Variants in PCNT observed in about 807,000 individuals in gnomAD.
PCNT encodes the protein kendrin.
PCNT carries 319 observed loss-of-function variants against 380.4 expected under a neutral mutation model. The observed-to-expected ratio is 0.84, with a 90% CI of 0.77 to 0.92. The LOEUF is 0.92. PCNT is among the 40% of genes least tolerant of loss of function. The pLI is 0.00. For synonymous variants in PCNT, 1,845 were observed against 1,735.2 expected (o/e 1.06, Z -1.57); for missense variants, 4,400 against 4,255.3 (o/e 1.03, Z -0.95).
At chr21:46,444,920 C>A in intron 46 of PCNT, 99 bp downstream of exon 46, 1 of 1,134,830 alleles carries the variant, frequency 8.8e-7, no homozygotes, top group Non-Finnish European at 1.3e-6. Flanking sequence ...GCTTAGTAAC[C>A]AAAGTTTCAG....
At chr21:46,333,598 C>CA (rs1265854909) in intron 2 of PCNT, among the ~76,000 whole-genome samples, 5,081 of 132,208 alleles carry the variant, frequency 0.038, 132 homozygotes, top group Middle Eastern at 0.096. Flanking sequence ...AACTTTGTCT[C>CA]AAAAAAAAAA....
intron 41 of PCNT, 144 bp from the exon 42 acceptor site, chr21:46,439,939 G>A: frequency 1.1e-6 from 1 of 918,036 alleles, no homozygotes; most frequent in Non-Finnish European, 1.8e-6. Flanking sequence ...AGGGGGTGCT[G>A]AAGTTGAGGA....
At chr21:46,393,670 G>C (rs907450573) in intron 21 of PCNT, among the ~76,000 whole-genome samples, 7 of 152,228 alleles carry the variant, frequency 4.6e-5, no homozygotes, top group Non-Finnish European at 1.0e-4. Context: ...GCCCGGTGAG[G>C]CCGGGGCCCT....
intron 25 of PCNT, among the ~76,000 whole-genome samples, chr21:46,400,316 G>A (rs1164772637): frequency 1.3e-5 from 2 of 152,154 alleles, no homozygotes; most frequent in East Asian, 3.9e-4. Context: ...GCTGGAGGGG[G>A]CAGGGCTGCC....
At chr21:46,354,149 G>C in intron 11 of PCNT, 81 bp downstream of exon 11, 1 of 1,249,760 alleles carries the variant, frequency 8.0e-7, no homozygotes, top group African/African-American at 1.5e-5. Context: ...TATAGAGCCT[G>C]TGTTTCCGTC....
Position 46,366,990 on chromosome 21 carries a change from T to C in PCNT, c.3016T>C (p.Ser1006Pro), listed in dbSNP as rs150093122. ...DFEEQLWKKD[S>P]LHQTILTQEL... ...TGAGGAACAACTGTGGAAAAAGGAC[T>C]CTCTTCACCAAACGATTTTGACTCA... is the stretch of plus-strand genomic sequence containing the variant. Residue 1006 changes from serine (S) to proline (P), a missense_variant, in exon 15 of 47, where the codon TCT (serine) becomes CCT (proline). By Grantham distance (74) the Ser-to-Pro change is moderately conservative (BLOSUM62 -1). Transcript: ENST00000359568. 3 of 1,614,140 alleles carry C rather than the reference T, an allele frequency of 1.9e-6. No individual in the cohort carries two copies. The highest frequency in any genetic ancestry group is 1.3e-5 in the African/African-American group (1 of 75,042).
At chr21:46,340,211 A>G (rs191555092) in intron 3 of PCNT, among the ~76,000 whole-genome samples, 1 of 152,272 alleles carries the variant, frequency 6.6e-6, no homozygotes, top group Admixed American at 6.5e-5. Flanking sequence ...AGTGAGACTT[A>G]TTCACTCTCA....
At chr21:46,407,696 A>G (rs1452607938) in intron 27 of PCNT, among the ~76,000 whole-genome samples, 1 of 152,160 alleles carries the variant, frequency 6.6e-6, no homozygotes, top group Non-Finnish European at 1.5e-5. Flanking sequence ...CTTACTTGCC[A>G]TTGAATATCT....
intron 2 of PCNT, among the ~76,000 whole-genome samples, chr21:46,332,575 C>A (rs1344093703): frequency 6.6e-6 from 1 of 152,246 alleles, no homozygotes. Context: ...ATTGAGACTA[C>A]TGTGTCCCCT....
At position 46,425,782 on chromosome 21, in the gene PCNT, C is replaced by G. The variant is rs781202719; in HGVS notation, c.7180-49C>G. The G allele has an allele frequency of 2.5e-6, 4 of 1,610,044 alleles. No individual in the cohort carries two copies. In the African/African-American group the frequency reaches 5.4e-5, roughly 22 times the overall value. On this transcript the variant is annotated intron_variant, in intron 32 of 46. Coordinates refer to ENST00000359568, the MANE Select transcript of PCNT (RefSeq NM_006031.6). This position sits in a 1 kb window ranked among gnomAD's most constrained non-coding sequence, Gnocchi z 4.2. ...GGGCCGCAGGTGGTGTAGAGCGTGGCTGTGTGGGGTGGCAGGCAACTCCCT... is the reference window on the plus strand; with the variant it reads ...GGGCCGCAGGTGGTGTAGAGCGTGGGTGTGTGGGGTGGCAGGCAACTCCCT...
In PCNT at chr21:46,355,436, C is replaced by CGTTA. The variant is rs771981795; in HGVS notation, c.1762-14_1762-13insTAGT. On this transcript the variant is annotated splice_polypyrimidine_tract_variant and intron_variant, in intron 11 of 46. Transcript: ENST00000359568. ...TTGGCTCACTAACGTGCTTGTCCCA[C>CGTTA]GTGGTTTCTCTGTAGGAGAGCCTGC... is the stretch of plus-strand genomic sequence containing the variant. 1 of 1,613,038 alleles carries CGTTA rather than the reference C, an allele frequency of 6.2e-7. No homozygotes were observed. Among genetic ancestry groups the CGTTA allele is most frequent in the Non-Finnish European group, 8.5e-7 (1 of 1,179,882 alleles).
Position 46,432,074 on chromosome 21 carries a change from G to T in PCNT, c.8610G>T (p.Trp2870Cys). The change falls in exon 38 of 47, where the codon TGG becomes TGT. Residue 2870 changes from tryptophan (W) to cysteine (C), a missense_variant. Coordinates refer to ENST00000359568, the MANE Select transcript of PCNT (RefSeq NM_006031.6). Reference protein sequence around the residue: ...SLEREREKPAWLQAELEQSHP... With the variant: ...SLEREREKPACLQAELEQSHP... ...AGAGAGAGAGGGAGAAACCAGCGTG[G>T]TTGCAGGCAGAATTAGAGCAGTCAC... 1 of 1,614,094 alleles carries T rather than the reference G, an allele frequency of 6.2e-7. No homozygotes were observed. The highest frequency in any genetic ancestry group is 8.5e-7 in the Non-Finnish European group (1 of 1,180,050).
At chr21:46,377,379 T>G (rs904585450) in intron 15 of PCNT, among the ~76,000 whole-genome samples, 1 of 152,240 alleles carries the variant, frequency 6.6e-6, no homozygotes, top group Non-Finnish European at 1.5e-5. Flanking sequence ...TACAAAAAAC[T>G]TACTTTATCA....
rs1359721431 is a variant in PCNT at position 46,348,709 on chromosome 21, G to T, written c.1033-303G>T. 3.3e-5 allele frequency among the ~76,000 whole-genome samples: 5 copies of T among 152,062 alleles called. No individual in the cohort carries two copies. In the South Asian group the frequency reaches 8.3e-4, roughly 25 times the overall value. ...AGCTCACTGCAGTCTTGACCTCCTG[G>T]GCTCAATTGATCCTCCTGCCTCAGC... On this transcript the variant is annotated intron_variant, in intron 6 of 46. Coordinates refer to ENST00000359568, the MANE Select transcript of PCNT (RefSeq NM_006031.6).
intron 15 of PCNT, among the ~76,000 whole-genome samples, chr21:46,380,982 G>A (rs1056889542): frequency 6.6e-6 from 1 of 151,990 alleles, no homozygotes; most frequent in Non-Finnish European, 1.5e-5. Context: ...CTGGCCAACA[G>A]GTTTTGGTAG....
At chr21:46,351,625 C>A in intron 9 of PCNT, 85 bp downstream of exon 9, 1 of 850,298 alleles carries the variant, frequency 1.2e-6, no homozygotes, top group Non-Finnish European at 2.0e-6. Context: ...CAGAATTTAA[C>A]AATTCTAGCA....
At chr21:46,442,137 G>A (rs1264560724) in intron 43 of PCNT, among the ~76,000 whole-genome samples, 1 of 152,186 alleles carries the variant, frequency 6.6e-6, no homozygotes, top group Non-Finnish European at 1.5e-5. Context: ...TGCACACCAG[G>A]CGGGAGCGGC....
At position 46,442,435 on chromosome 21, in the gene PCNT, A is replaced by T. The variant is rs751127265; in HGVS notation, c.9624-62A>T. On this transcript the variant is annotated intron_variant, in intron 43 of 46. Transcript: ENST00000359568. ...CTTGTTTGGTCACAGTGGGGTTTTCATTGCTCTTTCCCTTCCTGTCTTGCC... is the reference window on the plus strand; with the variant it reads ...CTTGTTTGGTCACAGTGGGGTTTTCTTTGCTCTTTCCCTTCCTGTCTTGCC... 26 of 1,068,522 alleles carry T rather than the reference A, an allele frequency of 2.4e-5. No individual in the cohort carries two copies. In the Middle Eastern group the frequency reaches 9.2e-4, roughly 38 times the overall value. 66.2% of individuals were successfully genotyped at this position (1,068,522 alleles called of 1,614,324 possible).
intron 15 of PCNT, among the ~76,000 whole-genome samples, chr21:46,379,301 C>A (rs559314612): frequency 1.3e-5 from 2 of 151,380 alleles, no homozygotes. Flanking sequence ...CTTCCCGGGC[C>A]GCGTGTCGTG....
Sources: gnomAD v4.1 joint callset for allele counts (sites outside exome capture counted in the v4.1 genomes callset) on GRCh38, gnomAD v4.1.1 for gene constraint, Gnocchi (gnomAD v3.1) non-coding constraint, MANE v1.5 for transcripts, NCBI Gene and HGNC (gene_info 2026-07-23, HGNC 2026-07-21) for gene names.